Variants in GALNT13 observed in about 807,000 individuals in gnomAD.
GALNT13 encodes polypeptide N-acetylgalactosaminyltransferase 13, also known as UDP-GalNAc:polypeptide N-acetylgalactosaminyltransferase 13.
Under a neutral mutation model 64.2 loss-of-function variants are expected in GALNT13, and 28 were observed. The observed-to-expected ratio is 0.44, with a 90% CI of 0.32 to 0.60. The LOEUF (loss-of-function observed/expected upper bound fraction) is 0.60, where lower values mean the gene tolerates loss of function less well. Among genes scored for constraint, GALNT13 ranks in the 20% least tolerant of loss-of-function variants. The pLI is 0.05. For missense variants in GALNT13, 577 were observed against 669.8 expected, an observed-to-expected ratio of 0.86 and a Z score of 1.53; for synonymous variants, 214 against 224.6, an observed-to-expected ratio of 0.95 and a Z score of 0.42.
At chr2:153,557,192 G>C in the GALNT13 span, among the ~76,000 whole-genome samples, 1 of 152,050 alleles carries the variant, frequency 6.6e-6, no homozygotes, top group African/African-American at 2.4e-5. Flanking sequence ...CAGATACTTA[G>C]CATTGTGCTA....
intron 4 of GALNT13, among the ~76,000 whole-genome samples, chr2:154,232,951 G>T (rs6711359): frequency 3.2e-4 from 48 of 150,114 alleles, no homozygotes; most frequent in African/African-American, 9.8e-4. Flanking sequence ...CTGAGTAGAA[G>T]GATGCTTGAG....
At chr2:154,103,585 A>G (rs563897251) in intron 3 of GALNT13, among the ~76,000 whole-genome samples, 6 of 152,226 alleles carry the variant, frequency 3.9e-5, no homozygotes, top group African/African-American at 7.2e-5. Context: ...GGCTGACTCT[A>G]TTTCATCTGA....
chr2:153,442,543 C>G, the GALNT13 span, among the ~76,000 whole-genome samples: 2 of 152,220 alleles, frequency 1.3e-5, no homozygotes, highest in South Asian at 4.1e-4. Flanking sequence ...TTTTGTACCT[C>G]TGGTAGAATT....
At chr2:154,275,812 C>A (rs776753627) in intron 8 of GALNT13, among the ~76,000 whole-genome samples, 3 of 152,202 alleles carry the variant, frequency 2.0e-5, no homozygotes, top group Non-Finnish European at 4.4e-5. Flanking sequence ...AGACAATCAG[C>A]CCCAACCCAG....
chr2:153,366,789 C>T, the GALNT13 span, among the ~76,000 whole-genome samples: 1 of 131,192 alleles, frequency 7.6e-6, no homozygotes, highest in African/African-American at 2.9e-5. Context: ...ATAAATATAA[C>T]CAAACTGCTG....
At chr2:153,655,632 T>C in the GALNT13 span, among the ~76,000 whole-genome samples, 4 of 152,112 alleles carry the variant, frequency 2.6e-5, no homozygotes, top group African/African-American at 4.8e-5. Flanking sequence ...TTCAGAATTA[T>C]TGATAACTTG....
At chr2:153,705,395 TAA>T in the GALNT13 span, among the ~76,000 whole-genome samples, 32 of 136,954 alleles carry the variant, frequency 2.3e-4, no homozygotes, top group Admixed American at 2.9e-4. Context: ...GTACCACTGT[TAA>T]AAAAAAAAAA....
At chr2:154,029,163 A>T (rs1454621478) in intron 3 of GALNT13, among the ~76,000 whole-genome samples, 1 of 146,682 alleles carries the variant, frequency 6.8e-6, no homozygotes, top group South Asian at 2.2e-4. Context: ...ATATTTATAG[A>T]TATTATACAA....
intron 1 of GALNT13, among the ~76,000 whole-genome samples, chr2:153,889,736 G>C (rs1248694527): frequency 6.6e-6 from 1 of 151,950 alleles, no homozygotes; most frequent in African/African-American, 2.4e-5. Context: ...TCCTGCTTAA[G>C]CAGTCAGTAT....
At chr2:154,313,517 T>C (rs999820615) in intron 9 of GALNT13, among the ~76,000 whole-genome samples, 1 of 150,748 alleles carries the variant, frequency 6.6e-6, no homozygotes, top group East Asian at 2.0e-4. Context: ...AGCAGTGGTG[T>C]GATCTCGGCT....
intron 12 of GALNT13, among the ~76,000 whole-genome samples, chr2:154,443,613 A>C (rs1229920785): frequency 6.6e-6 from 1 of 151,974 alleles, no homozygotes; most frequent in African/African-American, 2.4e-5. Flanking sequence ...TATTTTTTTA[A>C]ATTAGTATGT....
chr2:154,150,260 G>T (rs990426191), intron 4 of GALNT13, among the ~76,000 whole-genome samples: 8 of 152,120 alleles, frequency 5.3e-5, no homozygotes, highest in African/African-American at 1.4e-4. Context: ...AACCAGCCTT[G>T]CATCCCAGGG....
At chr2:153,724,991 A>G in the GALNT13 span, among the ~76,000 whole-genome samples, 2 of 151,720 alleles carry the variant, frequency 1.3e-5, no homozygotes, top group Middle Eastern at 3.4e-3. Context: ...ATGCTGCTAT[A>G]GAGACACATG....
At chr2:153,760,412 T>A in the GALNT13 span, among the ~76,000 whole-genome samples, 1 of 152,038 alleles carries the variant, frequency 6.6e-6, no homozygotes, top group African/African-American at 2.4e-5. Context: ...TTTTGTTGTA[T>A]CCCATAAGTT....
chr2:153,776,050 A>G, the GALNT13 span, among the ~76,000 whole-genome samples: 3 of 152,202 alleles, frequency 2.0e-5, no homozygotes, highest in African/African-American at 7.2e-5. Context: ...ACTTCGAAGA[A>G]ATATTTTAAT....
chr2:153,814,162 C>A, the GALNT13 span, among the ~76,000 whole-genome samples: 1 of 152,180 alleles, frequency 6.6e-6, no homozygotes, highest in Non-Finnish European at 1.5e-5. Context: ...ACAATTTGGC[C>A]GGGCGCGGTG....
chr2:153,437,951 C>T, the GALNT13 span, among the ~76,000 whole-genome samples: 13 of 152,224 alleles, frequency 8.5e-5, no homozygotes, highest in Non-Finnish European at 1.5e-5. Flanking sequence ...CATGTTTTTG[C>T]AGTGGCTGGT....
chr2:153,087,717 G>A, the GALNT13 span, among the ~76,000 whole-genome samples: 7 of 152,066 alleles, frequency 4.6e-5, no homozygotes, highest in Admixed American at 6.6e-5. Context: ...ATATTCCCAG[G>A]AAGTTATCCA....
chr2:153,327,121 T>C, the GALNT13 span, among the ~76,000 whole-genome samples: 2 of 152,150 alleles, frequency 1.3e-5, no homozygotes. Context: ...AAAAGTTGAA[T>C]ATTGGCCCTC....
Sources: gnomAD v4.1 joint callset for allele counts (sites outside exome capture counted in the v4.1 genomes callset) on GRCh38, gnomAD v4.1.1 for gene constraint, MANE v1.5 for transcripts, NCBI Gene and HGNC (gene_info 2026-07-23, HGNC 2026-07-21) for gene names.